The following PLPP3 variants were observed in gnomAD, a reference collection of about 807,000 sequenced individuals.
PLPP3 encodes phospholipid phosphatase 3, also known as PAP2 beta.
Under a neutral mutation model 29.6 loss-of-function variants are expected in PLPP3, and 6 were observed. The ratio of observed to expected loss-of-function variants is 0.20; its 90% confidence interval spans 0.11 to 0.40. PLPP3 has a LOEUF of 0.40. Among genes scored for constraint, PLPP3 ranks in the 10% least tolerant of loss-of-function variants. The pLI, the probability that PLPP3 is intolerant of heterozygous loss-of-function variation, is 1.00. For synonymous variants in PLPP3, 152 were observed against 159.7 expected (o/e 0.95, Z 0.36); for missense variants, 308 against 407.7 (o/e 0.76, Z 2.11).
At chr1:56,556,950 G>GAA (rs1646080627) in intron 1 of PLPP3, among the ~76,000 whole-genome samples, 5 of 83,904 alleles carry the variant, frequency 6.0e-5, no homozygotes, top group Non-Finnish European at 9.1e-5. Flanking sequence ...GAGAGAGACA[G>GAA]AGAGAAAGAA....
chr1:56,513,286 G>A (rs1289696948), intron 4 of PLPP3: 1 of 152,592 alleles, frequency 6.6e-6, no homozygotes, highest in Non-Finnish European at 1.5e-5. Flanking sequence ...TGCAGTTTCC[G>A]TTCTAACCTC....
rs190546112 is a variant in PLPP3 at position 56,523,772 on chromosome 1, G to A, written c.633+51C>T. On this transcript the variant is annotated intron_variant, in intron 4 of 5. Coordinates refer to ENST00000371250, the MANE Select transcript of PLPP3 (RefSeq NM_003713.5). Reference sequence around the variant, plus strand: ...TATTTTGAGGGCTATCATATCAGAAGGGATCGAAGCTGGAACTGAGCACTG... The same window carrying A: ...TATTTTGAGGGCTATCATATCAGAAAGGATCGAAGCTGGAACTGAGCACTG... The A allele has an allele frequency of 1.9e-6, 3 of 1,555,132 alleles. No homozygotes were observed. The Admixed American group carries it at 5.0e-5, about 26-fold the overall frequency.
chr1:56,561,037 T>C (rs928254815), intron 1 of PLPP3, among the ~76,000 whole-genome samples: 4 of 145,818 alleles, frequency 2.7e-5, no homozygotes, highest in South Asian at 4.3e-4. Flanking sequence ...TTAGTAGAGA[T>C]GGGGTTTCAC....
intron 1 of PLPP3, among the ~76,000 whole-genome samples, chr1:56,565,189 A>C (rs1337218340): frequency 6.6e-6 from 1 of 152,210 alleles, no homozygotes; most frequent in Non-Finnish European, 1.5e-5. Flanking sequence ...ACTTTACAAC[A>C]ATGTGGGTCA....
rs1645746600 is a variant in PLPP3 at position 56,512,293 on chromosome 1, A to C, written c.634-141T>G. The C allele has an allele frequency of 1.8e-5, 14 of 767,434 alleles. 1 individual carries two copies. In the South Asian group the frequency reaches 2.5e-4, roughly 14 times the overall value. 47.5% of individuals were successfully genotyped at this position (767,434 alleles called of 1,614,324 possible). A position where few individuals can be genotyped will look rare whatever the true frequency, so the allele number is the denominator to read the frequency against. Reference sequence around the variant, plus strand: ...GGCATGTTGTAGATACAGCAATTTGAACATGACCTCAAGCCAGTTATTTAA... The same window carrying C: ...GGCATGTTGTAGATACAGCAATTTGCACATGACCTCAAGCCAGTTATTTAA... On this transcript the variant is annotated intron_variant, in intron 4 of 5. Transcript: ENST00000371250.
At position 56,523,925 on chromosome 1, in the gene PLPP3, C is replaced by T. The variant is rs761232038; in HGVS notation, c.576-45G>A. 4.4e-6 allele frequency: 7 copies of T among 1,580,378 alleles called. No homozygotes were observed. In the East Asian group the frequency reaches 9.0e-5, roughly 20 times the overall value. ...CCATGAAAGGGCCGTATTCACATCC[C>T]TGATACACACTTGTCTGTCTGTCTT... On this transcript the variant is annotated intron_variant, in intron 3 of 5. Coordinates refer to ENST00000371250, the MANE Select transcript of PLPP3 (RefSeq NM_003713.5).
chr1:56,496,368 T>C lies in PLPP3; in HGVS notation c.*183A>G. The C allele has an allele frequency of 1.6e-6, 1 of 615,196 alleles. No homozygotes were observed. The highest frequency in any genetic ancestry group is 2.7e-6 in the Non-Finnish European group (1 of 372,718). The allele number at this position is 615,196 out of a possible 1,614,324, so 38.1% of individuals were successfully genotyped here. ...GCACTTGGTGTTAGTTTGCTGTTGT[T>C]TCCACATAGGCAAACACTACCTATT... On this transcript the variant is annotated 3_prime_UTR_variant, in exon 6 of 6. Transcript: ENST00000371250.
At chr1:56,512,746 A>T (rs1246040145) in intron 4 of PLPP3, 1 of 152,230 alleles carries the variant, frequency 6.6e-6, no homozygotes, top group Non-Finnish European at 1.5e-5. Context: ...TAATATATGT[A>T]AATGGCCTTA....
At chr1:56,500,051 G>T (rs1486257878) in intron 5 of PLPP3, among the ~76,000 whole-genome samples, 2 of 152,200 alleles carry the variant, frequency 1.3e-5, no homozygotes, top group East Asian at 1.9e-4. Flanking sequence ...ACAGAGAAGA[G>T]ATCTAAGTTA....
At chr1:56,575,141 C>T (rs180970440) in intron 1 of PLPP3, among the ~76,000 whole-genome samples, 2 of 152,164 alleles carry the variant, frequency 1.3e-5, no homozygotes, top group South Asian at 2.1e-4. Flanking sequence ...AATCGGTCAC[C>T]GCATGTTTAA....
At chr1:56,578,813 T>G in intron 1 of PLPP3, 65 bp downstream of exon 1, 1 of 1,415,648 alleles carries the variant, frequency 7.1e-7, no homozygotes, top group Non-Finnish European at 9.2e-7. Context: ...GGCCCCGGAC[T>G]GGGCTGGGAC....
intron 4 of PLPP3, among the ~76,000 whole-genome samples, chr1:56,523,118 G>A (rs1645830382): frequency 6.6e-6 from 1 of 152,200 alleles, no homozygotes; most frequent in Non-Finnish European, 1.5e-5. Flanking sequence ...CTGTGGATTT[G>A]AGAAATGGGG....
chr1:56,536,958 G>C lies in PLPP3; in HGVS notation c.294C>G (p.Leu98=), dbSNP rs750545999. ...ATAGCAGAGTCTGGACACTTACCGC[G>C]AGGATGGCAATGACGATCCCCACGG... The part of the protein sequence containing the change: ...LCAVGIVIAI[L]AIITGEFYRI... The change falls in exon 2 of 6, where the codon CTC becomes CTG. Residue 98 remains leucine, a synonymous_variant. Transcript: ENST00000371250. The C allele has an allele frequency of 1.2e-6, 2 of 1,613,548 alleles. No individual in the cohort carries two copies. Among genetic ancestry groups the C allele is most frequent in the Non-Finnish European group, 1.7e-6 (2 of 1,179,694 alleles).
intron 1 of PLPP3, among the ~76,000 whole-genome samples, chr1:56,552,793 G>A (rs2100285154): frequency 6.6e-6 from 1 of 152,278 alleles, no homozygotes; most frequent in South Asian, 2.1e-4. Context: ...AGAAAAGCCT[G>A]AGAAACATAT....
chr1:56,534,347 G>A (rs886520815), intron 2 of PLPP3, among the ~76,000 whole-genome samples: 2 of 152,158 alleles, frequency 1.3e-5, no homozygotes, highest in African/African-American at 4.8e-5. Context: ...CCATTGAAAG[G>A]TGTCTGCTTT....
chr1:56,514,069 T>C (rs904690177), intron 4 of PLPP3, among the ~76,000 whole-genome samples: 2 of 151,106 alleles, frequency 1.3e-5, no homozygotes, highest in African/African-American at 4.9e-5. Flanking sequence ...TTAAATTAAA[T>C]TTAAAAAAAA....
Position 56,563,129 on chromosome 1 carries a change from G to C in PLPP3, c.139+15749C>G, listed in dbSNP as rs190579277. Among the ~76,000 whole-genome samples, 147 of 152,272 alleles carry C rather than the reference G, an allele frequency of 9.7e-4. 1 individual carries two copies. Among genetic ancestry groups the C allele is most frequent in the South Asian group, 2.9e-3 (14 of 4,828 alleles). ...TCTGCATTCTAAGTGTGTAGGATCT[G>C]TACAAAATGGACCTACTCTAAGTCC... On this transcript the variant is annotated intron_variant, in intron 1 of 5. Transcript: ENST00000371250.
intron 5 of PLPP3, among the ~76,000 whole-genome samples, chr1:56,510,321 C>G (rs145916742): frequency 1.3e-5 from 2 of 152,206 alleles, no homozygotes; most frequent in Admixed American, 1.3e-4. Context: ...CTCTCATTAA[C>G]GGTTTGCTCC....
chr1:56,556,871 G>C (rs761368991), intron 1 of PLPP3, among the ~76,000 whole-genome samples: 5 of 143,992 alleles, frequency 3.5e-5, no homozygotes, highest in Non-Finnish European at 7.5e-5. Context: ...GGCCAGACTG[G>C]CCAACATAGT....
Sources: allele counts gnomAD v4.1 joint callset (sites outside exome capture counted in the v4.1 genomes callset), GRCh38; gene constraint gnomAD v4.1.1; transcripts MANE v1.5; gene names NCBI Gene and HGNC (gene_info 2026-07-23, HGNC 2026-07-21).